SYN3: variants seen among roughly 807,000 people sequenced by gnomAD.
SYN3 encodes synapsin III, also known as synapsin-3.
In SYN3, 35 loss-of-function variants were observed where a neutral mutation model predicts 65.8. The ratio of observed to expected loss-of-function variants is 0.53; its 90% CI spans 0.41 to 0.70. The LOEUF is 0.70. SYN3 is among the 30% of genes least tolerant of loss of function. The pLI is 0.00. For missense variants in SYN3, 680 were observed against 749.0 expected, an observed-to-expected ratio of 0.91 and a Z score of 1.08; for synonymous variants, 270 against 292.9, an observed-to-expected ratio of 0.92 and a Z score of 0.80.
intron 7 of SYN3, among the ~76,000 whole-genome samples, chr22:32,557,113 A>G (rs2058514757): frequency 6.6e-6 from 1 of 152,240 alleles, no homozygotes; most frequent in Non-Finnish European, 1.5e-5. Flanking sequence ...TAAGCTCGCT[A>G]TTTAGAATAG....
At chr22:32,641,434 C>T (rs2059897480) in intron 6 of SYN3, among the ~76,000 whole-genome samples, 1 of 151,912 alleles carries the variant, frequency 6.6e-6, no homozygotes, top group South Asian at 2.1e-4. Flanking sequence ...CGGTGAAACC[C>T]TGTCTCTACT....
chr22:32,673,060 G>A (rs974783554), intron 6 of SYN3, among the ~76,000 whole-genome samples: 87 of 152,306 alleles, frequency 5.7e-4, no homozygotes, highest in Admixed American at 3.5e-3. Flanking sequence ...AATCTGATGT[G>A]GATTCCTTTC....
At chr22:32,762,832 A>T (rs1288657044) in intron 6 of SYN3, among the ~76,000 whole-genome samples, 1 of 151,938 alleles carries the variant, frequency 6.6e-6, no homozygotes, top group Non-Finnish European at 1.5e-5. Flanking sequence ...TAAGGTAAGG[A>T]AAATAGTAAT....
chr22:32,838,941 C>T (rs1252272533), intron 6 of SYN3, among the ~76,000 whole-genome samples: 1 of 151,442 alleles, frequency 6.6e-6, no homozygotes, highest in Non-Finnish European at 1.5e-5. Flanking sequence ...CATTAAAGAA[C>T]ACGTGCTGGA....
intron 4 of SYN3, among the ~76,000 whole-genome samples, chr22:32,910,527 G>C (rs1417213539): frequency 1.3e-5 from 2 of 152,182 alleles, no homozygotes; most frequent in East Asian, 3.9e-4. Flanking sequence ...TTGTGCAAGG[G>C]ACTGGACTTT....
At chr22:33,052,824 G>T (rs914707268) in intron 1 of SYN3, among the ~76,000 whole-genome samples, 4 of 152,208 alleles carry the variant, frequency 2.6e-5, no homozygotes, top group African/African-American at 9.6e-5. Context: ...AGAGGATTTG[G>T]TCTAAACCAA....
chr22:32,919,827 A>T (rs1048715410), intron 4 of SYN3, among the ~76,000 whole-genome samples: 1 of 152,160 alleles, frequency 6.6e-6, no homozygotes, highest in Non-Finnish European at 1.5e-5. Context: ...GAGGATTTGG[A>T]AAAGCCACCC....
chr22:32,703,908 T>C (rs2060844507), intron 6 of SYN3, among the ~76,000 whole-genome samples: 1 of 152,172 alleles, frequency 6.6e-6, no homozygotes. Context: ...TGGAGGTACA[T>C]AATTACACTT....
chr22:32,718,579 A>G (rs2061071644), intron 6 of SYN3, among the ~76,000 whole-genome samples: 1 of 152,106 alleles, frequency 6.6e-6, no homozygotes, highest in Non-Finnish European at 1.5e-5. Context: ...CATAGACTGT[A>G]ACAATTGATT....
intron 7 of SYN3, among the ~76,000 whole-genome samples, chr22:32,570,248 G>A (rs2058740872): frequency 6.6e-6 from 1 of 152,218 alleles, no homozygotes; most frequent in African/African-American, 2.4e-5. Context: ...GACAGACAGT[G>A]GAGGAGGATG....
chr22:33,008,763 TA>T, intron 1 of SYN3, among the ~76,000 whole-genome samples: 1 of 151,238 alleles, frequency 6.6e-6, no homozygotes, highest in African/African-American at 2.4e-5. Flanking sequence ...AAAGTAAAAA[TA>T]ATTTTTTTTA....
chr22:32,877,795 T>C (rs1346718845), intron 4 of SYN3, among the ~76,000 whole-genome samples: 5 of 152,142 alleles, frequency 3.3e-5, no homozygotes, highest in African/African-American at 9.6e-5. Context: ...CTACAGCTCT[T>C]CTCCAAGAGA....
chr22:32,652,708 G>C (rs2146958982), intron 6 of SYN3, among the ~76,000 whole-genome samples: 1 of 152,282 alleles, frequency 6.6e-6, no homozygotes, highest in South Asian at 2.1e-4. Flanking sequence ...TGATGTCAGA[G>C]ACCATTTTGT....
intron 1 of SYN3, among the ~76,000 whole-genome samples, chr22:33,031,897 AC>A (rs1373838288): frequency 2.0e-5 from 3 of 152,088 alleles, no homozygotes; most frequent in Non-Finnish European, 4.4e-5. Flanking sequence ...GGCACAATGG[AC>A]CAACATTAAT....
At chr22:32,891,852 C>T (rs1186085690) in intron 4 of SYN3, among the ~76,000 whole-genome samples, 3 of 152,134 alleles carry the variant, frequency 2.0e-5, no homozygotes, top group Middle Eastern at 3.4e-3. Flanking sequence ...ATACTAGGAA[C>T]CTTAATACCT....
chr22:32,508,283 C>T lies in SYN3; in HGVS notation c.*5409G>A, dbSNP rs974204333. On this transcript the variant is annotated 3_prime_UTR_variant, in exon 14 of 14. Coordinates refer to ENST00000358763, the MANE Select transcript of SYN3 (RefSeq NM_003490.4). ...TTCCTTCTTCTGGCTCAGAAGCTCC[C>T]GCACTGAGCACCTTGTGACCCCCGC... Among the ~76,000 whole-genome samples the T allele has an allele frequency of 2.6e-5, 4 of 152,132 alleles. No homozygotes were observed. The highest frequency in any genetic ancestry group is 2.1e-4 in the South Asian group (1 of 4,832).
rs570874412 is a variant in SYN3, at chr22:32,845,911, C to T, written c.711+19004G>A. Among the ~76,000 whole-genome samples, 5 of 152,288 alleles carry T rather than the reference C, an allele frequency of 3.3e-5. No homozygotes were observed. The South Asian group carries it at 1.0e-3, about 32-fold the overall frequency. On this transcript the variant is annotated intron_variant, in intron 6 of 13. Transcript: ENST00000358763. ...ACCCTGATTGCCAAACAGGAGAGTA[C>T]AAAATAGCACACATTTGAATTACAG...
chr22:32,649,126 T>C (rs2060025439), intron 6 of SYN3, among the ~76,000 whole-genome samples: 1 of 152,226 alleles, frequency 6.6e-6, no homozygotes, highest in Non-Finnish European at 1.5e-5. Context: ...TCCCTAATTC[T>C]GGGCTTGGTC....
At chr22:32,863,972 A>C (rs2048617785) in intron 6 of SYN3, among the ~76,000 whole-genome samples, 1 of 151,834 alleles carries the variant, frequency 6.6e-6, no homozygotes, top group Non-Finnish European at 1.5e-5. Flanking sequence ...GGATTCTGTG[A>C]CTCTTGCCCG....
Sources: allele counts gnomAD v4.1 joint callset (sites outside exome capture counted in the v4.1 genomes callset), GRCh38; gene constraint gnomAD v4.1.1; transcripts MANE v1.5; gene names NCBI Gene and HGNC (gene_info 2026-07-23, HGNC 2026-07-21).